ATP2B2: variants seen among roughly 807,000 people sequenced by gnomAD.
The protein encoded by ATP2B2 is ATPase plasma membrane Ca2+ transporting 2.
In ATP2B2, 15 loss-of-function variants were observed where a neutral mutation model predicts 120.0. That is an observed-to-expected ratio of 0.12 (90% CI 0.08 to 0.19). ATP2B2 has a LOEUF of 0.19. Among genes scored for constraint, ATP2B2 ranks in the 10% least tolerant of loss-of-function variants. ATP2B2 has a pLI of 1.00. For missense variants in ATP2B2, 1,045 were observed against 1,719.8 expected (o/e 0.61, Z 6.94); for synonymous variants, 694 against 700.3 (o/e 0.99, Z 0.14).
chr3:10,534,673 A>C (rs2125481813), intron 2 of ATP2B2, among the ~76,000 whole-genome samples: 1 of 152,258 alleles, frequency 6.6e-6, no homozygotes, highest in South Asian at 2.1e-4. Context: ...TTCTTGGGCA[A>C]GTGACTTAAA....
chr3:10,335,082 T>C (rs1362140979), intron 22 of ATP2B2, among the ~76,000 whole-genome samples: 3 of 152,022 alleles, frequency 2.0e-5, no homozygotes, highest in Non-Finnish European at 4.4e-5. Flanking sequence ...AAGCCAGCAA[T>C]GAGTGATCTA....
At chr3:10,702,954 T>A (rs1005941436) in intron 1 of ATP2B2, among the ~76,000 whole-genome samples, 3 of 152,204 alleles carry the variant, frequency 2.0e-5, no homozygotes, top group Non-Finnish European at 4.4e-5. Context: ...TGCTTCCTAT[T>A]TCTCGGGTCA....
At position 10,491,224 on chromosome 3, in the gene ATP2B2, AT is replaced by A. The variant is rs3077070; in HGVS notation, c.-320+14240del. On this transcript the variant is annotated intron_variant, in intron 1 of 22. Coordinates refer to ENST00000360273, the MANE Select transcript of ATP2B2 (RefSeq NM_001001331.4). The stretch of plus-strand genomic sequence containing the variant: ...GCACATGTGCTGGCTCCTTCATTCC[AT>A]TTTTTTTTTTTTTTTTTGAGACGGT... Among the ~76,000 whole-genome samples, 851 of 119,960 alleles carry A rather than the reference AT, an allele frequency of 7.1e-3. 5 individuals are homozygous for A. The highest frequency in any genetic ancestry group is 0.027 in the East Asian group (110 of 4,080). The allele number at this position is 119,960 out of a possible 152,430, so 78.7% of individuals were successfully genotyped here.
intron 3 of ATP2B2, among the ~76,000 whole-genome samples, chr3:10,511,311 C>A (rs56020391): frequency 0.049 from 7,380 of 152,164 alleles, 373 homozygotes; most frequent in East Asian, 0.27. Flanking sequence ...TGCAATTAAC[C>A]TTTTTATATG....
At chr3:10,470,335 C>G (rs1369455627) in intron 1 of ATP2B2, among the ~76,000 whole-genome samples, 1 of 152,072 alleles carries the variant, frequency 6.6e-6, no homozygotes, top group African/African-American at 2.4e-5. Flanking sequence ...AACTGAGGCT[C>G]AGAGAGATTG....
At chr3:10,445,982 A>G (rs1178717694) in intron 2 of ATP2B2, among the ~76,000 whole-genome samples, 4 of 152,208 alleles carry the variant, frequency 2.6e-5, no homozygotes, top group Non-Finnish European at 5.9e-5. Flanking sequence ...CACCCTATTC[A>G]GGCCTTGTCC....
chr3:10,333,135 C>T (rs745878736), intron 22 of ATP2B2, among the ~76,000 whole-genome samples: 1 of 152,108 alleles, frequency 6.6e-6, no homozygotes, highest in Non-Finnish European at 1.5e-5. Flanking sequence ...CTCCAGTGTC[C>T]CAGGTCAGAA....
intron 5 of ATP2B2, among the ~76,000 whole-genome samples, chr3:10,395,581 T>G (rs1418817167): frequency 6.6e-6 from 1 of 152,256 alleles, no homozygotes; most frequent in Non-Finnish European, 1.5e-5. Flanking sequence ...GTGAAGGGCA[T>G]GCCCGTATTC....
At chr3:10,591,937 T>A (rs2068654387) in intron 2 of ATP2B2, among the ~76,000 whole-genome samples, 1 of 152,132 alleles carries the variant, frequency 6.6e-6, no homozygotes, top group Non-Finnish European at 1.5e-5. Flanking sequence ...GTAAGGGGCA[T>A]CTAGAATTAA....
Position 10,497,160 on chromosome 3 carries a change from G to T in ATP2B2, c.-320+8305C>A, listed in dbSNP as rs151119475. On this transcript the variant is annotated intron_variant, in intron 1 of 22. Transcript: ENST00000360273. ...GGAAGACAGAAACGACTTCTAATGA[G>T]GGCCCTAATTACCCTGTGGATCCCT... Among the ~76,000 whole-genome samples, 106 of 152,344 alleles carry T rather than the reference G, an allele frequency of 7.0e-4. 4 individuals are homozygous for T. In the East Asian group the frequency reaches 0.019, roughly 28 times the overall value.
chr3:10,533,783 G>A (rs1350616093), intron 3 of ATP2B2, among the ~76,000 whole-genome samples: 1 of 152,234 alleles, frequency 6.6e-6, no homozygotes. Context: ...CATCCACCAT[G>A]TGACATGATG....
At chr3:10,665,130 A>G (rs1201788534) in intron 1 of ATP2B2, among the ~76,000 whole-genome samples, 3 of 152,142 alleles carry the variant, frequency 2.0e-5, no homozygotes, top group Non-Finnish European at 4.4e-5. Flanking sequence ...CACTGCATAT[A>G]CCTGCTACCC....
At chr3:10,386,608 C>T in intron 6 of ATP2B2, 96 bp from the exon 7 acceptor site, 23 of 1,299,534 alleles carry the variant, frequency 1.8e-5, no homozygotes, top group African/African-American at 2.9e-5. Context: ...CATGTGCATA[C>T]ACACATGGCC....
intron 1 of ATP2B2, among the ~76,000 whole-genome samples, chr3:10,650,019 A>G (rs1366344605): frequency 6.6e-6 from 1 of 152,200 alleles, no homozygotes; most frequent in Non-Finnish European, 1.5e-5. Context: ...CTAACACAGT[A>G]AATTGGTACC....
intron 2 of ATP2B2, among the ~76,000 whole-genome samples, chr3:10,429,214 C>T (rs536937937): frequency 6.6e-6 from 1 of 152,300 alleles, no homozygotes; most frequent in African/African-American, 2.4e-5. Flanking sequence ...CAGCCCTTGT[C>T]TTATTTCCTC....
chr3:10,546,298 C>G (rs550864492), intron 2 of ATP2B2, among the ~76,000 whole-genome samples: 7 of 152,170 alleles, frequency 4.6e-5, no homozygotes, highest in Non-Finnish European at 1.0e-4. Context: ...GGAGGTAGCA[C>G]GCTGAGAACC....
chr3:10,633,025 G>T (rs1021533049), intron 1 of ATP2B2, among the ~76,000 whole-genome samples: 12 of 152,362 alleles, frequency 7.9e-5, no homozygotes, highest in Middle Eastern at 3.4e-3. Flanking sequence ...CTGAGCCAGG[G>T]CTCCCTCAAC....
intron 3 of ATP2B2, among the ~76,000 whole-genome samples, chr3:10,526,794 G>A (rs188134956): frequency 3.9e-5 from 6 of 152,192 alleles, no homozygotes; most frequent in Admixed American, 3.9e-4. Flanking sequence ...GACTGCTGGC[G>A]AGTCCCTTCC....
chr3:10,691,911 C>G (rs1192400965), intron 1 of ATP2B2, among the ~76,000 whole-genome samples: 1 of 152,210 alleles, frequency 6.6e-6, no homozygotes, highest in South Asian at 2.1e-4. Flanking sequence ...AGCTTTCCCA[C>G]ATATCTTGCT....
Sources: allele counts gnomAD v4.1 joint callset (sites outside exome capture counted in the v4.1 genomes callset), GRCh38; gene constraint gnomAD v4.1.1; transcripts MANE v1.5; gene names NCBI Gene and HGNC (gene_info 2026-07-23, HGNC 2026-07-21).